Variants in IL36B observed in about 807,000 individuals in gnomAD.
The protein encoded by IL36B is interleukin-36 beta.
A neutral mutation model predicts 19.3 loss-of-function variants in IL36B; 23 were observed. The observed-to-expected ratio is 1.19, with a 90% confidence interval of 0.86 to 1.69. The LOEUF (loss-of-function observed/expected upper bound fraction) is 1.69, where lower values mean the gene tolerates loss of function less well. IL36B is among the 40% of genes most tolerant of loss of function. IL36B has a pLI of 0.00. For missense variants in IL36B, 217 were observed against 200.5 expected (o/e 1.08, Z -0.50); for synonymous variants, 59 against 59.7 (o/e 0.99, Z 0.05).
rs35168872 is a variant in IL36B, at chr2:113,022,490, G to A, written c.*184C>T. On this transcript the variant is annotated 3_prime_UTR_variant, in exon 6 of 6. Coordinates refer to ENST00000259213, the MANE Select transcript of IL36B (RefSeq NM_014438.5). Reference sequence around the variant, plus strand: ...CCAAATCTACTCCTAAAAAGACTCCGACCTTCTCTAGCTTTACAGGTAAGA... The same window carrying A: ...CCAAATCTACTCCTAAAAAGACTCCAACCTTCTCTAGCTTTACAGGTAAGA... 1.2e-3 allele frequency: 615 copies of A among 526,978 alleles called. 1 individual carries two copies. Among genetic ancestry groups the A allele is most frequent in the African/African-American group, 0.011 (561 of 51,724 alleles). 32.6% of individuals were successfully genotyped at this position (526,978 alleles called of 1,614,324 possible). A position where few individuals can be genotyped will look rare whatever the true frequency, so the allele number is the denominator to read the frequency against.
At chr2:113,024,833 T>C (rs1337906016) in intron 5 of IL36B, among the ~76,000 whole-genome samples, 3 of 152,252 alleles carry the variant, frequency 2.0e-5, no homozygotes, top group African/African-American at 7.2e-5. Context: ...TTTAGCTATT[T>C]ACAGAACTCA....
chr2:113,038,689 C>T (rs1685198773), intron 1 of IL36B, among the ~76,000 whole-genome samples: 3 of 152,198 alleles, frequency 2.0e-5, no homozygotes, highest in Non-Finnish European at 2.9e-5. Flanking sequence ...GCCTGAAGCT[C>T]AGATGGCAGG....
intron 1 of IL36B, among the ~76,000 whole-genome samples, chr2:113,041,032 G>A (rs1200374459): frequency 6.6e-6 from 1 of 152,172 alleles, no homozygotes; most frequent in Non-Finnish European, 1.5e-5. Flanking sequence ...GCTTGCGCCT[G>A]TGGTCCCAGC....
chr2:113,041,578 G>GA (rs11390487), intron 1 of IL36B, among the ~76,000 whole-genome samples: 120,340 of 152,154 alleles, frequency 0.79, 48,656 homozygotes, highest in African/African-American at 0.94. Flanking sequence ...AACCATGAAA[G>GA]AAATAAAGAT....
At chr2:113,049,680 C>A (rs925035750) in intron 1 of IL36B, among the ~76,000 whole-genome samples, 1 of 152,080 alleles carries the variant, frequency 6.6e-6, no homozygotes, top group Non-Finnish European at 1.5e-5. Flanking sequence ...TTGGGTGGGG[C>A]GTGATGGCTT....
At chr2:113,028,844 G>T in intron 4 of IL36B, 95 bp downstream of exon 4, 1 of 1,330,186 alleles carries the variant, frequency 7.5e-7, no homozygotes, top group Non-Finnish European at 1.0e-6. Context: ...GAATAGTCCA[G>T]GGTTGCAAGC....
chr2:113,024,594 C>A (rs1019373207), intron 5 of IL36B, among the ~76,000 whole-genome samples: 5 of 152,162 alleles, frequency 3.3e-5, no homozygotes, highest in Middle Eastern at 3.2e-3. Context: ...TTTGAGGACA[C>A]CTCTTGAGTC....
chr2:113,024,358 A>G (rs1385126832), intron 5 of IL36B, among the ~76,000 whole-genome samples: 5 of 152,034 alleles, frequency 3.3e-5, no homozygotes, highest in Admixed American at 2.0e-4. Context: ...CCATTTATCG[A>G]TATTCTATTT....
At chr2:113,046,241 G>T (rs1685347631) in intron 1 of IL36B, among the ~76,000 whole-genome samples, 2 of 146,386 alleles carry the variant, frequency 1.4e-5, no homozygotes. Context: ...ACGGAGTCTG[G>T]CTCTGTCACC....
At chr2:113,043,904 T>A (rs1685302194) in intron 1 of IL36B, among the ~76,000 whole-genome samples, 1 of 152,216 alleles carries the variant, frequency 6.6e-6, no homozygotes, top group Non-Finnish European at 1.5e-5. Flanking sequence ...CATATATGTG[T>A]AAGTCTATTT....
chr2:113,027,886 CA>C, intron 4 of IL36B: 1 of 1,613,394 alleles, frequency 6.2e-7, no homozygotes, highest in Non-Finnish European at 8.5e-7. Flanking sequence ...ACCAGCCACC[CA>C]CAGCCTAGGC....
At chr2:113,042,054 T>A (rs1396824378) in intron 1 of IL36B, among the ~76,000 whole-genome samples, 1 of 152,174 alleles carries the variant, frequency 6.6e-6, no homozygotes, top group South Asian at 2.1e-4. Context: ...AGAGCAGGAC[T>A]TCACCTCATA....
chr2:113,040,098 C>T lies in IL36B; in HGVS notation c.-57-8332G>A, dbSNP rs1685229178. On this transcript the variant is annotated intron_variant, in intron 1 of 5. Transcript: ENST00000259213. ...AAGAATAAAGATCATCAATGAAGAC[C>T]AATGCTGAAATTGTCCAGACAAGAA... Among the ~76,000 whole-genome samples, 3 of 152,304 alleles carry T rather than the reference C, an allele frequency of 2.0e-5. No homozygotes were observed. In the South Asian group the frequency reaches 6.2e-4, roughly 32 times the overall value.
At chr2:113,033,963 C>T (rs1366079904) in intron 1 of IL36B, among the ~76,000 whole-genome samples, 5 of 152,246 alleles carry the variant, frequency 3.3e-5, no homozygotes, top group Admixed American at 3.3e-4. Flanking sequence ...ACCATTGACT[C>T]TATCTTCTGG....
At chr2:113,047,920 C>T (rs1414821435) in intron 1 of IL36B, among the ~76,000 whole-genome samples, 1 of 151,820 alleles carries the variant, frequency 6.6e-6, no homozygotes, top group African/African-American at 2.4e-5. Context: ...AAAATGTTAA[C>T]TCAGGAGAAG....
Position 113,039,085 on chromosome 2 carries a change from C to T in IL36B, c.-57-7319G>A, listed in dbSNP as rs111320424. Among the ~76,000 whole-genome samples the T allele has an allele frequency of 9.7e-3, 1,475 of 152,254 alleles. 22 individuals carry two copies. The highest frequency in any genetic ancestry group is 0.033 in the African/African-American group (1,372 of 41,546). On this transcript the variant is annotated intron_variant, in intron 1 of 5. Transcript: ENST00000259213. ...TAGGTTGGCCTTGGATTTCTGCATCCAGCCTCCTCTCTCTAGATTGGGATA... is the reference window on the plus strand; with the variant it reads ...TAGGTTGGCCTTGGATTTCTGCATCTAGCCTCCTCTCTCTAGATTGGGATA...
intron 5 of IL36B, among the ~76,000 whole-genome samples, chr2:113,025,346 T>C (rs1349784237): frequency 3.3e-5 from 5 of 152,180 alleles, no homozygotes; most frequent in African/African-American, 1.2e-4. Context: ...TGCCCTGATA[T>C]AATGCAAGAT....
At chr2:113,031,201 T>C (rs773844924) in intron 2 of IL36B, 46 bp from the exon 3 acceptor site, 13 of 1,296,504 alleles carry the variant, frequency 1.0e-5, no homozygotes, top group South Asian at 4.7e-5. Context: ...GGTTATCAAC[T>C]TCAGGACTCC....
intron 3 of IL36B, among the ~76,000 whole-genome samples, chr2:113,029,748 G>A (rs1002302382): frequency 3.3e-5 from 5 of 152,176 alleles, no homozygotes; most frequent in African/African-American, 7.2e-5. Flanking sequence ...GTAAACGGCA[G>A]AGTGAATGAG....
Sources: allele counts gnomAD v4.1 joint callset (sites outside exome capture counted in the v4.1 genomes callset), GRCh38; gene constraint gnomAD v4.1.1; transcripts MANE v1.5; gene names NCBI Gene and HGNC (gene_info 2026-07-23, HGNC 2026-07-21).